STK32C: variants seen among roughly 807,000 people sequenced by gnomAD.
The protein encoded by STK32C is serine/threonine kinase 32C.
In STK32C, 31 loss-of-function variants were observed where a neutral mutation model predicts 56.5. The ratio of observed to expected loss-of-function variants is 0.55; its 90% confidence interval spans 0.41 to 0.74. STK32C has a LOEUF of 0.74. Among genes scored for constraint, STK32C ranks in the 30% least tolerant of loss-of-function variants. The pLI is 0.00. For missense variants in STK32C, 544 were observed against 676.9 expected, an observed-to-expected ratio of 0.80 and a Z score of 2.18; for synonymous variants, 309 against 289.4, an observed-to-expected ratio of 1.07 and a Z score of -0.69.
At chr10:132,225,872 G>A (rs894013441) in intron 4 of STK32C, 88 bp from the exon 5 acceptor site, 5 of 1,557,680 alleles carry the variant, frequency 3.2e-6, no homozygotes, top group Non-Finnish European at 4.4e-6. Context: ...GAGTCCCCAG[G>A]ACATCCCACC....
chr10:132,267,510 TGTGTGTGTCA>T (rs954500483), intron 1 of STK32C, among the ~76,000 whole-genome samples: 2 of 95,778 alleles, frequency 2.1e-5, no homozygotes, highest in African/African-American at 5.8e-5. Flanking sequence ...TCCCACATCG[TGTGTGTGTCA>T]GTGTGTGTGC....
chr10:132,208,301 C>A (rs2062166966), intron 11 of STK32C, 150 bp from the exon 12 acceptor site: 2 of 999,838 alleles, frequency 2.0e-6, no homozygotes, highest in Non-Finnish European at 2.6e-6. Context: ...AGGCCATGCT[C>A]CCGATACACT....
intron 1 of STK32C, among the ~76,000 whole-genome samples, chr10:132,327,754 G>C (rs1454079570): frequency 6.6e-6 from 1 of 152,132 alleles, no homozygotes; most frequent in Non-Finnish European, 1.5e-5. Context: ...TGGGATTACA[G>C]GTGTGAGCCA....
chr10:132,215,236 ACTCCTGGACTCAAG>A (rs2062433766), intron 10 of STK32C, among the ~76,000 whole-genome samples: 1 of 151,892 alleles, frequency 6.6e-6, no homozygotes, highest in Non-Finnish European at 1.5e-5. Flanking sequence ...CTGGTCTCAA[ACTCCTGGACTCAAG>A]CAATCCTCTC....
At chr10:132,242,890 C>T (rs1379033442) in intron 2 of STK32C, among the ~76,000 whole-genome samples, 1 of 152,146 alleles carries the variant, frequency 6.6e-6, no homozygotes, top group African/African-American at 2.4e-5. Flanking sequence ...GAAACCTGGG[C>T]CCAAAGAACA....
intron 1 of STK32C, among the ~76,000 whole-genome samples, chr10:132,259,003 C>T (rs577660575): frequency 1.8e-4 from 28 of 152,306 alleles, no homozygotes; most frequent in Non-Finnish European, 3.2e-4. Flanking sequence ...CTCGACAACA[C>T]ATGAACAGGG....
chr10:132,235,169 A>G (rs12415130), intron 2 of STK32C, among the ~76,000 whole-genome samples: 1 of 152,126 alleles, frequency 6.6e-6, no homozygotes, highest in Non-Finnish European at 1.5e-5. Context: ...GTGGTGTGCC[A>G]CCCTTGATGG....
rs1034646771 is a variant in STK32C, at chr10:132,230,682, G to C, written c.319-2554C>G. ...TTGCTGCTGGGGGGGAAGCTGGCGG[G>C]GGGGGGGGGGCTGCAGAGCCCACCT... On this transcript the variant is annotated intron_variant, in intron 2 of 11. Coordinates refer to ENST00000298630, the MANE Select transcript of STK32C (RefSeq NM_173575.4). Among the ~76,000 whole-genome samples the C allele has an allele frequency of 1.5e-3, 216 of 139,444 alleles. 19 individuals carry two copies. Among genetic ancestry groups the C allele is most frequent in the African/African-American group, 5.4e-3 (201 of 37,522 alleles). The allele number at this position is 139,444 out of a possible 152,430, so 91.5% of individuals were successfully genotyped here. A position where few individuals can be genotyped will look rare whatever the true frequency, so the allele number is the denominator to read the frequency against.
chr10:132,259,718 A>T (rs948827972), intron 1 of STK32C, among the ~76,000 whole-genome samples: 1 of 152,112 alleles, frequency 6.6e-6, no homozygotes, highest in Non-Finnish European at 1.5e-5. Context: ...TCTTTTCTTT[A>T]TAAATTATTA....
At position 132,238,408 on chromosome 10, in the gene STK32C, C is replaced by T. The variant is rs146155647; in HGVS notation, c.318+7492G>A. ...CACCGTGGGGCCACACAGCAAAGACCAGGGTCTCGGAGGCAGACGACGTGA... is the reference window on the plus strand; with the variant it reads ...CACCGTGGGGCCACACAGCAAAGACTAGGGTCTCGGAGGCAGACGACGTGA... On this transcript the variant is annotated intron_variant, in intron 2 of 11. Transcript: ENST00000298630. Among the ~76,000 whole-genome samples, 1,468 of 152,260 alleles carry T rather than the reference C, an allele frequency of 9.6e-3. 30 individuals are homozygous for T. The highest frequency in any genetic ancestry group is 0.033 in the African/African-American group (1,377 of 41,534).
At chr10:132,251,022 G>A (rs2063885466) in intron 1 of STK32C, among the ~76,000 whole-genome samples, 1 of 152,194 alleles carries the variant, frequency 6.6e-6, no homozygotes, top group Admixed American at 6.5e-5. Context: ...TGGAGCATTA[G>A]GGGAGCCAGG....
intron 1 of STK32C, among the ~76,000 whole-genome samples, chr10:132,277,823 G>C (rs577433077): frequency 6.6e-6 from 1 of 151,982 alleles, no homozygotes; most frequent in South Asian, 2.1e-4. Flanking sequence ...CAGGAACCTG[G>C]CTTCTCACCC....
At chr10:132,295,062 G>A (rs977892646) in intron 1 of STK32C, among the ~76,000 whole-genome samples, 5 of 152,186 alleles carry the variant, frequency 3.3e-5, no homozygotes, top group Non-Finnish European at 7.4e-5. Flanking sequence ...GCCTCCAAAG[G>A]AGGCCTGTCA....
intron 5 of STK32C, 35 bp from the exon 6 acceptor site, chr10:132,225,651 G>A (rs2062860633): frequency 6.2e-7 from 1 of 1,608,218 alleles, no homozygotes; most frequent in Non-Finnish European, 8.5e-7. Flanking sequence ...GCTGTCCCAG[G>A]ACCAGAGATG....
rs56193362 is a variant in STK32C at position 132,235,494 on chromosome 10, TA to T, written c.319-7367del. 3.2e-3 allele frequency among the ~76,000 whole-genome samples: 341 copies of T among 108,134 alleles called. 2 individuals carry two copies. The highest frequency in any genetic ancestry group is 8.6e-3 in the African/African-American group (241 of 27,968). 70.9% of individuals were successfully genotyped at this position (108,134 alleles called of 152,430 possible). On this transcript the variant is annotated intron_variant, in intron 2 of 11. Transcript: ENST00000298630. Reference sequence around the variant, plus strand: ...CTGGCAACAGAGCAAGACTCAGCCTTAAAAAAAAAAAAAAAAAAAAGGAAAG... The same window carrying T: ...CTGGCAACAGAGCAAGACTCAGCCTTAAAAAAAAAAAAAAAAAAAGGAAAG...
chr10:132,236,578 A>G (rs575541997), intron 2 of STK32C, among the ~76,000 whole-genome samples: 1 of 152,324 alleles, frequency 6.6e-6, no homozygotes, highest in South Asian at 2.1e-4. Context: ...TGCCTATGAC[A>G]TATTTGAGAC....
At chr10:132,269,453 C>A (rs1487822630) in intron 1 of STK32C, among the ~76,000 whole-genome samples, 1 of 152,160 alleles carries the variant, frequency 6.6e-6, no homozygotes, top group African/African-American at 2.4e-5. Context: ...CCCAGCCCTG[C>A]TGGCTGCTGC....
chr10:132,216,154 C>A (rs953027437), intron 10 of STK32C, among the ~76,000 whole-genome samples: 2 of 152,108 alleles, frequency 1.3e-5, no homozygotes, highest in Non-Finnish European at 2.9e-5. Flanking sequence ...AAATTTGCAA[C>A]CTGACAATGC....
chr10:132,211,507 C>T (rs940267432), intron 10 of STK32C, among the ~76,000 whole-genome samples: 2 of 152,232 alleles, frequency 1.3e-5, no homozygotes, highest in Admixed American at 6.5e-5. Context: ...CTCTGAGCAG[C>T]GCCCAAGCCG....
Sources: allele counts gnomAD v4.1 joint callset (sites outside exome capture counted in the v4.1 genomes callset), GRCh38; gene constraint gnomAD v4.1.1; transcripts MANE v1.5; gene names NCBI Gene and HGNC (gene_info 2026-07-23, HGNC 2026-07-21).